MACROD2: variants seen among roughly 807,000 people sequenced by gnomAD.
MACROD2 encodes ADP-ribose glycohydrolase MACROD2.
In MACROD2, 36 loss-of-function variants were observed where a neutral mutation model predicts 70.4. That is an observed-to-expected ratio of 0.51 (90% CI 0.39 to 0.68). The LOEUF (loss-of-function observed/expected upper bound fraction) is 0.68, where lower values mean the gene tolerates loss of function less well. Among genes scored for constraint, MACROD2 ranks in the 30% least tolerant of loss-of-function variants. The pLI is 0.00. For missense variants in MACROD2, 496 were observed against 538.4 expected (o/e 0.92, Z 0.78); for synonymous variants, 172 against 178.8 (o/e 0.96, Z 0.30).
intron 8 of MACROD2, among the ~76,000 whole-genome samples, chr20:15,858,210 T>C (rs1396850968): frequency 6.6e-6 from 1 of 152,166 alleles, no homozygotes; most frequent in Non-Finnish European, 1.5e-5. Flanking sequence ...GATCACTTTA[T>C]ATCTGATGAA....
At chr20:14,972,645 A>C (rs982831305) in intron 5 of MACROD2, among the ~76,000 whole-genome samples, 1 of 152,210 alleles carries the variant, frequency 6.6e-6, no homozygotes, top group Non-Finnish European at 1.5e-5. Context: ...TGATTTCAAA[A>C]TAATTAAGAA....
At chr20:14,056,225 TATG>T (rs540645853) in intron 2 of MACROD2, among the ~76,000 whole-genome samples, 1 of 152,106 alleles carries the variant, frequency 6.6e-6, no homozygotes, top group Non-Finnish European at 1.5e-5. Flanking sequence ...AGAATTTTCT[TATG>T]ATATTTGACT....
chr20:15,375,134 G>A (rs1321751908), intron 6 of MACROD2, among the ~76,000 whole-genome samples: 4 of 152,054 alleles, frequency 2.6e-5, no homozygotes, highest in African/African-American at 9.7e-5. Flanking sequence ...CATTTCTCTT[G>A]ATGCAACCAA....
intron 8 of MACROD2, among the ~76,000 whole-genome samples, chr20:15,851,677 A>C (rs1262894555): frequency 6.6e-6 from 1 of 152,220 alleles, no homozygotes; most frequent in African/African-American, 2.4e-5. Context: ...ACTTTGGCCC[A>C]GAATAGATGG....
chr20:14,172,130 G>T (rs1296972576), intron 3 of MACROD2, among the ~76,000 whole-genome samples: 1 of 151,982 alleles, frequency 6.6e-6, no homozygotes, highest in African/African-American at 2.4e-5. Context: ...TTTGAAGTAT[G>T]CTTTGCCTGA....
intron 5 of MACROD2, among the ~76,000 whole-genome samples, chr20:14,714,721 A>G (rs868433559): frequency 1.3e-5 from 2 of 151,862 alleles, no homozygotes; most frequent in Non-Finnish European, 2.9e-5. Context: ...GTCAACTCCT[A>G]CTTATCCTTC....
intron 4 of MACROD2, among the ~76,000 whole-genome samples, chr20:14,670,428 T>C (rs1243718872): frequency 1.3e-5 from 2 of 152,170 alleles, no homozygotes; most frequent in African/African-American, 4.8e-5. Context: ...CCATTTCTTC[T>C]TTAGTGGTGT....
At chr20:14,349,443 C>A (rs1826377301) in intron 3 of MACROD2, among the ~76,000 whole-genome samples, 1 of 149,944 alleles carries the variant, frequency 6.7e-6, no homozygotes, top group South Asian at 2.1e-4. Context: ...GCTATAGTCA[C>A]CCTGTTATGC....
intron 7 of MACROD2, among the ~76,000 whole-genome samples, chr20:15,453,884 T>C (rs907063527): frequency 3.9e-5 from 6 of 152,156 alleles, no homozygotes; most frequent in African/African-American, 9.7e-5. Context: ...GAGAAGCTTG[T>C]AGCCCCCAGA....
intron 3 of MACROD2, chr20:14,352,272 T>G (rs1053809697): frequency 6.6e-6 from 1 of 152,164 alleles, no homozygotes; most frequent in Non-Finnish European, 1.5e-5. Flanking sequence ...GGCGTTTGTG[T>G]GCTTTCCAGT....
intron 15 of MACROD2, among the ~76,000 whole-genome samples, chr20:16,012,795 A>C (rs2066880718): frequency 6.6e-6 from 1 of 152,232 alleles, no homozygotes; most frequent in Non-Finnish European, 1.5e-5. Flanking sequence ...GAAGGCAGGA[A>C]GTGTAACAAG....
intron 3 of MACROD2, among the ~76,000 whole-genome samples, chr20:14,447,904 G>A (rs1477123385): frequency 6.6e-6 from 1 of 151,436 alleles, no homozygotes; most frequent in Non-Finnish European, 1.5e-5. Flanking sequence ...TGGAGGGTTA[G>A]AATGAATAGT....
chr20:14,964,881 A>G (rs1024283435), intron 5 of MACROD2, among the ~76,000 whole-genome samples: 1 of 152,192 alleles, frequency 6.6e-6, no homozygotes, highest in Admixed American at 6.5e-5. Flanking sequence ...CAAGTGGTGA[A>G]GCAGGTATAG....
chr20:14,716,854 T>A (rs1359381772), intron 5 of MACROD2, among the ~76,000 whole-genome samples: 1 of 152,158 alleles, frequency 6.6e-6, no homozygotes, highest in African/African-American at 2.4e-5. Context: ...GTTCCATTAT[T>A]TTTGGTGGAG....
intron 6 of MACROD2, among the ~76,000 whole-genome samples, chr20:15,375,506 C>T (rs2050940923): frequency 6.6e-6 from 1 of 152,122 alleles, no homozygotes; most frequent in Admixed American, 6.6e-5. Flanking sequence ...TGCCAAGATT[C>T]ACCCATTGCA....
chr20:15,202,502 C>T (rs1258987461), intron 5 of MACROD2, among the ~76,000 whole-genome samples: 1 of 152,124 alleles, frequency 6.6e-6, no homozygotes, highest in Non-Finnish European at 1.5e-5. Context: ...GGTTTTTACA[C>T]ATTAATATTT....
At chr20:14,672,799 A>G (rs1423869201) in intron 4 of MACROD2, among the ~76,000 whole-genome samples, 3 of 152,220 alleles carry the variant, frequency 2.0e-5, no homozygotes, top group South Asian at 4.1e-4. Context: ...TTCTCTCAGT[A>G]CAAATATTTT....
chr20:14,190,728 T>C (rs201078618), intron 3 of MACROD2, among the ~76,000 whole-genome samples: 3,969 of 71,424 alleles, frequency 0.056, 168 homozygotes, highest in African/African-American at 0.11. Context: ...TTTTTTTTTT[T>C]CCAGAGTCTT....
intron 5 of MACROD2, among the ~76,000 whole-genome samples, chr20:15,207,500 T>G (rs1235859209): frequency 1.4e-5 from 2 of 139,426 alleles, no homozygotes; most frequent in Non-Finnish European, 1.5e-5. Flanking sequence ...TGCAGTGCAG[T>G]GGCATGATCT....
Sources: gnomAD v4.1 joint callset for allele counts (sites outside exome capture counted in the v4.1 genomes callset) on GRCh38, gnomAD v4.1.1 for gene constraint, MANE v1.5 for transcripts, NCBI Gene and HGNC (gene_info 2026-07-23, HGNC 2026-07-21) for gene names.